EML1: variants seen among roughly 807,000 people sequenced by gnomAD.
The protein encoded by EML1 is EMAP like 1.
In EML1, 27 loss-of-function variants were observed where a neutral mutation model predicts 110.4. That is an observed-to-expected ratio of 0.24 (90% CI 0.18 to 0.34). The LOEUF is 0.34. Ranked by LOEUF, EML1 falls within the 10% of genes least tolerant of loss-of-function variation. The probability of loss-of-function intolerance (pLI) is 1.00; values close to 1 mark genes in which losing one functional copy is unlikely to be tolerated. For missense variants in EML1, 741 were observed against 1,030.9 expected (o/e 0.72, Z 3.85); for synonymous variants, 344 against 385.8 (o/e 0.89, Z 1.27).
intron 17 of EML1, among the ~76,000 whole-genome samples, chr14:99,926,589 TTATTTTTTTTAA>T (rs2060238542): frequency 6.6e-6 from 1 of 151,986 alleles, no homozygotes; most frequent in South Asian, 2.1e-4. Flanking sequence ...CTGGCAGCTC[TTATTTTTTTTAA>T]TGACTGTTTT....
chr14:99,753,308 G>A (rs2057202644), intron 1 of EML1, among the ~76,000 whole-genome samples: 1 of 151,146 alleles, frequency 6.6e-6, no homozygotes, highest in Non-Finnish European at 1.5e-5. Context: ...CACTTCAGGG[G>A]GAAGTCCTCA....
chr14:99,767,932 T>C (rs1298421190), intron 1 of EML1, among the ~76,000 whole-genome samples: 3 of 152,186 alleles, frequency 2.0e-5, no homozygotes, highest in African/African-American at 7.2e-5. Context: ...ACTACTTTGC[T>C]GAGCACACAA....
At chr14:99,890,086 A>C (rs1186900907) in intron 4 of EML1, among the ~76,000 whole-genome samples, 1 of 152,178 alleles carries the variant, frequency 6.6e-6, no homozygotes, top group African/African-American at 2.4e-5. Context: ...CAAGTCAAAA[A>C]TTGAGGAATA....
rs142849720 is a variant in EML1 at position 99,913,879 on chromosome 14, G to A, written c.1495-300G>A. 3.4e-3 allele frequency among the ~76,000 whole-genome samples: 514 copies of A among 151,900 alleles called. 2 individuals are homozygous for A. Among genetic ancestry groups the A allele is most frequent in the African/African-American group, 0.012 (489 of 41,414 alleles). On this transcript the variant is annotated intron_variant, in intron 13 of 21. Coordinates refer to ENST00000262233, the MANE Select transcript of EML1 (RefSeq NM_004434.3). ...TAATTTTTGTATTTTTAGTAGAGACGGGGTTTCATCATGTTGCCCAGGCTG... is the reference window on the plus strand; with the variant it reads ...TAATTTTTGTATTTTTAGTAGAGACAGGGTTTCATCATGTTGCCCAGGCTG...
intron 11 of EML1, among the ~76,000 whole-genome samples, chr14:99,909,817 G>T (rs2059916919): frequency 1.3e-5 from 2 of 152,162 alleles, no homozygotes; most frequent in Non-Finnish European, 2.9e-5. Context: ...TCTGGACGTT[G>T]TGGGGCTGCG....
In EML1 at chr14:99,937,901, T is replaced by C; in HGVS notation, c.2180T>C (p.Phe727Ser). 1 of 1,614,042 alleles carries C rather than the reference T, an allele frequency of 6.2e-7. No individual in the cohort carries two copies. Among genetic ancestry groups the C allele is most frequent in the Non-Finnish European group, 8.5e-7 (1 of 1,179,918 alleles). ...GCTACCTATACCTGCACTTTGGGAT[T>C]CCATGTTTTTGGTAAGTTTGCTGCA... ...EWATYTCTLG[F>S]HVFGVWPEGS... The change falls in exon 20 of 22, where the codon TTC (phenylalanine) becomes TCC (serine). Residue 727 changes from phenylalanine to serine, a missense_variant. This residue lies in a region of EML1 where 114 missense variants were observed against 122.5 expected (regional missense o/e 0.93). Coordinates refer to ENST00000262233, the MANE Select transcript of EML1 (RefSeq NM_004434.3).
intron 1 of EML1, among the ~76,000 whole-genome samples, chr14:99,759,367 A>G (rs2057289832): frequency 6.6e-6 from 1 of 152,166 alleles, no homozygotes; most frequent in South Asian, 2.1e-4. Context: ...CTTCTCCCTC[A>G]TGGGGCCTTC....
chr14:99,758,453 C>T (rs1021413987), intron 1 of EML1, among the ~76,000 whole-genome samples: 1 of 152,154 alleles, frequency 6.6e-6, no homozygotes, highest in Non-Finnish European at 1.5e-5. Flanking sequence ...TGCTGATGCA[C>T]CCTGATTTGT....
chr14:99,813,157 T>C (rs2058109549), intron 1 of EML1, among the ~76,000 whole-genome samples: 1 of 152,154 alleles, frequency 6.6e-6, no homozygotes, highest in South Asian at 2.1e-4. Context: ...CTGAACCAGT[T>C]TTGTACGCTT....
At chr14:99,860,570 T>C (rs181872732) in intron 2 of EML1, among the ~76,000 whole-genome samples, 1 of 152,312 alleles carries the variant, frequency 6.6e-6, no homozygotes, top group African/African-American at 2.4e-5. Flanking sequence ...CTTGAGTGGC[T>C]AATAATTTTT....
rs1391242505 is a variant in EML1, at chr14:99,920,803, A to T, written c.1835A>T (p.Asp612Val). The T allele has an allele frequency of 1.2e-6, 2 of 1,613,272 alleles. No individual in the cohort carries two copies. The highest frequency in any genetic ancestry group is 1.7e-6 in the Non-Finnish European group (2 of 1,179,804). ...GTLTGRWFVFDTETKDLVTVH... is the reference protein window; with the variant it reads ...GTLTGRWFVFVTETKDLVTVH... ...GTTGATAACAGGTGGTTTGTGTTTG[A>T]CACAGAAACAAAAGACTTGGTCACC... Residue 612 changes from aspartate to valine, a missense_variant, in exon 17 of 22, where the codon GAC (aspartate) becomes GTC (valine). Physicochemically the swap from Asp to Val is radical, Grantham distance 152. This residue lies in a region of EML1 where 388 missense variants were observed against 605.6 expected (regional missense o/e 0.64). Transcript: ENST00000262233.
chr14:99,847,781 TTGACATC>T (rs1469614897), intron 1 of EML1, among the ~76,000 whole-genome samples: 1 of 152,210 alleles, frequency 6.6e-6, no homozygotes, highest in Non-Finnish European at 1.5e-5. Context: ...GTAATACATT[TTGACATC>T]TATTTTATCT....
intron 8 of EML1, among the ~76,000 whole-genome samples, chr14:99,898,668 C>T (rs2059710631): frequency 6.6e-6 from 1 of 151,546 alleles, no homozygotes; most frequent in South Asian, 2.1e-4. Flanking sequence ...AGGAGAATCA[C>T]TTGAACCCGG....
intron 1 of EML1, among the ~76,000 whole-genome samples, chr14:99,767,204 T>C (rs2057376325): frequency 6.6e-6 from 1 of 152,214 alleles, no homozygotes; most frequent in Admixed American, 6.6e-5. Flanking sequence ...CAGAGCTTAC[T>C]ATAGCCGAGA....
chr14:99,791,187 G>C (rs1201715127), upstream of EML1, among the ~76,000 whole-genome samples: 1 of 152,132 alleles, frequency 6.6e-6, no homozygotes, highest in Non-Finnish European at 1.5e-5. Flanking sequence ...TAACGTGCAT[G>C]TACCTGCCCT....
At chr14:99,823,145 T>C (rs1595342490) in intron 1 of EML1, among the ~76,000 whole-genome samples, 1 of 152,114 alleles carries the variant, frequency 6.6e-6, no homozygotes, top group African/African-American at 2.4e-5. Context: ...CAGGGTGGGG[T>C]GGGACGGCCA....
intron 2 of EML1, among the ~76,000 whole-genome samples, chr14:99,860,104 C>T: frequency 6.6e-6 from 1 of 152,118 alleles, no homozygotes; most frequent in Non-Finnish European, 1.5e-5. Context: ...CCTTGCCCTC[C>T]TTCACCTGGG....
At chr14:99,807,720 G>T (rs906456254) in intron 1 of EML1, among the ~76,000 whole-genome samples, 1 of 152,202 alleles carries the variant, frequency 6.6e-6, no homozygotes, top group African/African-American at 2.4e-5. Flanking sequence ...TGCAGCCCAC[G>T]CAGGGGAGAG....
chr14:99,830,509 G>A (rs2058431466), intron 1 of EML1, among the ~76,000 whole-genome samples: 1 of 151,560 alleles, frequency 6.6e-6, no homozygotes, highest in South Asian at 2.1e-4. Flanking sequence ...CTGCTTTCTT[G>A]GCTTTTTTTG....
Sources: gnomAD v4.1 joint callset for allele counts (sites outside exome capture counted in the v4.1 genomes callset) on GRCh38, gnomAD v4.1.1 for gene constraint, gnomAD v4.1.1 regional missense constraint, MANE v1.5 for transcripts, NCBI Gene and HGNC (gene_info 2026-07-23, HGNC 2026-07-21) for gene names.